The following HOOK3 variants were observed in gnomAD, a reference collection of about 807,000 sequenced individuals.
HOOK3 encodes hook microtubule tethering protein 3.
A neutral mutation model predicts 116.3 loss-of-function variants in HOOK3; 24 were observed. That is an observed-to-expected ratio of 0.21 (90% CI 0.15 to 0.29). HOOK3 has a LOEUF of 0.29. Among genes scored for constraint, HOOK3 ranks in the 10% least tolerant of loss-of-function variants. The pLI is 1.00. For missense variants in HOOK3, 632 were observed against 830.2 expected, an observed-to-expected ratio of 0.76 and a Z score of 2.93; for synonymous variants, 275 against 283.0, an observed-to-expected ratio of 0.97 and a Z score of 0.28.
intron 1 of HOOK3, among the ~76,000 whole-genome samples, chr8:42,903,350 T>TTTTTTTTC (rs1322946470): frequency 4.2e-5 from 6 of 143,626 alleles, no homozygotes; most frequent in African/African-American, 1.6e-4. Context: ...TTTTTTTTTT[T>TTTTTTTTC]TTTTTTTTTT....
intron 2 of HOOK3, among the ~76,000 whole-genome samples, chr8:42,925,006 G>A (rs996751389): frequency 4.6e-5 from 7 of 151,800 alleles, no homozygotes; most frequent in Non-Finnish European, 7.4e-5. Context: ...CTATGTCATT[G>A]ATTATGTGTT....
intron 4 of HOOK3, among the ~76,000 whole-genome samples, chr8:42,937,732 G>C (rs1325786029): frequency 6.6e-6 from 1 of 152,204 alleles, no homozygotes; most frequent in East Asian, 1.9e-4. Flanking sequence ...GTTCTAATCT[G>C]ATTGCACTGT....
At chr8:42,929,953 G>A (rs112318721) in intron 3 of HOOK3, among the ~76,000 whole-genome samples, 169 bp from the exon 4 acceptor site, 7,192 of 152,114 alleles carry the variant, frequency 0.047, 343 homozygotes, top group African/African-American at 0.12. Context: ...GGATTATATA[G>A]TAGTACTTTT....
intron 2 of HOOK3, among the ~76,000 whole-genome samples, chr8:42,925,019 C>T (rs939529457): frequency 2.6e-5 from 4 of 151,620 alleles, no homozygotes; most frequent in African/African-American, 4.8e-5. Context: ...TATGTGTTAA[C>T]AGTCAAGTTG....
chr8:42,900,959 A>G (rs890349979), intron 1 of HOOK3, among the ~76,000 whole-genome samples: 18 of 152,226 alleles, frequency 1.2e-4, no homozygotes, highest in Non-Finnish European at 2.4e-4. Flanking sequence ...TGTTGGTGAC[A>G]TAGGGACCAC....
At chr8:42,973,679 G>A (rs963673157) in intron 12 of HOOK3, among the ~76,000 whole-genome samples, 6 of 152,028 alleles carry the variant, frequency 3.9e-5, no homozygotes, top group African/African-American at 1.2e-4. Context: ...CTTTCTATAA[G>A]TTTGTGTAGC....
At chr8:42,919,625 T>TA (rs765681532) in intron 2 of HOOK3, among the ~76,000 whole-genome samples, 14 of 152,174 alleles carry the variant, frequency 9.2e-5, no homozygotes, top group Non-Finnish European at 1.5e-4. Context: ...CAGCCGAGAT[T>TA]ACGCCACTGC....
At chr8:42,956,197 C>G (rs1808430789) in intron 6 of HOOK3, among the ~76,000 whole-genome samples, 1 of 150,048 alleles carries the variant, frequency 6.7e-6, no homozygotes, top group African/African-American at 2.5e-5. Flanking sequence ...TCTGGATCTT[C>G]TCTCTTTGCA....
At chr8:43,011,074 G>C (rs960706076) in intron 19 of HOOK3, among the ~76,000 whole-genome samples, 1 of 151,770 alleles carries the variant, frequency 6.6e-6, no homozygotes, top group Non-Finnish European at 1.5e-5. Context: ...CTCACTGCAA[G>C]CTCCGCCTCC....
At chr8:42,989,456 T>C (rs1381502362) in intron 15 of HOOK3, among the ~76,000 whole-genome samples, 1 of 152,176 alleles carries the variant, frequency 6.6e-6, no homozygotes, top group East Asian at 1.9e-4. Flanking sequence ...AGATGAACTT[T>C]TTATTTTTTT....
rs763048561 is a variant in HOOK3, at chr8:43,022,603, A to G, written c.*4105A>G. On this transcript the variant is annotated 3_prime_UTR_variant, in exon 22 of 22. Coordinates refer to ENST00000307602, the MANE Select transcript of HOOK3 (RefSeq NM_032410.4). Reference sequence around the variant, plus strand: ...AAGTTTGTAATCCAGAAAATATAGTAGTGTATAATATCTGAAAAGAGAATC... The same window carrying G: ...AAGTTTGTAATCCAGAAAATATAGTGGTGTATAATATCTGAAAAGAGAATC... 2 of 185,156 alleles carry G rather than the reference A, an allele frequency of 1.1e-5. No homozygotes were observed. Among genetic ancestry groups the G allele is most frequent in the Non-Finnish European group, 2.3e-5 (2 of 87,474 alleles). 11.5% of individuals were successfully genotyped at this position (185,156 alleles called of 1,614,324 possible).
chr8:42,952,398 T>C (rs1038253312), intron 6 of HOOK3, among the ~76,000 whole-genome samples: 5 of 152,342 alleles, frequency 3.3e-5, no homozygotes, highest in Non-Finnish European at 7.4e-5. Context: ...ATGCAGAGTA[T>C]TGCCAACCAG....
chr8:42,908,436 AAC>A (rs2130326998), intron 2 of HOOK3, among the ~76,000 whole-genome samples: 2 of 152,374 alleles, frequency 1.3e-5, no homozygotes, highest in South Asian at 4.1e-4. Flanking sequence ...TGGTAATTAA[AAC>A]ACAGTGCTGG....
At position 42,909,295 on chromosome 8, in the gene HOOK3, T is replaced by C. The variant is rs377380167; in HGVS notation, c.143+3037T>C. On this transcript the variant is annotated intron_variant, in intron 2 of 21. Coordinates refer to ENST00000307602, the MANE Select transcript of HOOK3 (RefSeq NM_032410.4). ...GATCCAGCAATCCCACTTTTGTGTA[T>C]ATAGCCAAAGGATTTGAAACTGGTA... Among the ~76,000 whole-genome samples, 15 of 152,358 alleles carry C rather than the reference T, an allele frequency of 9.8e-5. No homozygotes were observed. The East Asian group carries it at 2.7e-3, about 27-fold the overall frequency.
chr8:43,019,202 A>C lies in HOOK3; in HGVS notation c.*704A>C, dbSNP rs1384000772. 1 of 212,490 alleles carries C rather than the reference A, an allele frequency of 4.7e-6. No homozygotes were observed. Among genetic ancestry groups the C allele is most frequent in the Non-Finnish European group, 9.5e-6 (1 of 105,108 alleles). 13.2% of individuals were successfully genotyped at this position (212,490 alleles called of 1,614,324 possible). ...TCCTGCTATCTTGTTTGCTGGCAGA[A>C]GTGAATGTTTGGTGAGGTTATTTTG... On this transcript the variant is annotated 3_prime_UTR_variant, in exon 22 of 22. Coordinates refer to ENST00000307602, the MANE Select transcript of HOOK3 (RefSeq NM_032410.4).
At chr8:42,982,262 AAAAAAAAAG>A (rs1235672137) in intron 13 of HOOK3, among the ~76,000 whole-genome samples, 3 of 143,052 alleles carry the variant, frequency 2.1e-5, no homozygotes, top group African/African-American at 8.0e-5. Context: ...CTTAAAAAAA[AAAAAAAAAG>A]AAAAAAAAAA....
chr8:43,004,391 GA>G (rs1275099988), intron 17 of HOOK3, among the ~76,000 whole-genome samples: 1 of 132,422 alleles, frequency 7.6e-6, no homozygotes, highest in Non-Finnish European at 1.6e-5. Context: ...AGAAAGAAAA[GA>G]AAAAAAAGTC....
intron 17 of HOOK3, 69 bp downstream of exon 17, chr8:43,002,210 C>A: frequency 2.5e-6 from 3 of 1,213,402 alleles, no homozygotes; most frequent in Middle Eastern, 1.9e-4. Flanking sequence ...TAGGTAGTTA[C>A]GGTGTGTCTG....
At chr8:42,987,245 T>G (rs1300246109) in intron 15 of HOOK3, among the ~76,000 whole-genome samples, 1 of 152,198 alleles carries the variant, frequency 6.6e-6, no homozygotes, top group Non-Finnish European at 1.5e-5. Context: ...CTCTTTCCCT[T>G]TTAGAGAACT....
Sources: gnomAD v4.1 joint callset for allele counts (sites outside exome capture counted in the v4.1 genomes callset) on GRCh38, gnomAD v4.1.1 for gene constraint, MANE v1.5 for transcripts, NCBI Gene and HGNC (gene_info 2026-07-23, HGNC 2026-07-21) for gene names.